PSMD6: variants seen among roughly 807,000 people sequenced by gnomAD.
PSMD6 encodes 26S proteasome non-ATPase regulatory subunit 6.
PSMD6 carries 7 observed loss-of-function variants against 44.9 expected under a neutral mutation model. That is an observed-to-expected ratio of 0.16 (90% CI 0.09 to 0.29). The LOEUF (loss-of-function observed/expected upper bound fraction) is 0.29, where lower values mean the gene tolerates loss of function less well. Ranked by LOEUF, PSMD6 falls within the 10% of genes least tolerant of loss-of-function variation. The pLI, the probability that PSMD6 is intolerant of heterozygous loss-of-function variation, is 1.00. For synonymous variants in PSMD6, 184 were observed against 172.7 expected, an observed-to-expected ratio of 1.07 and a Z score of -0.51; for missense variants, 420 against 482.6, an observed-to-expected ratio of 0.87 and a Z score of 1.21.
In PSMD6 at chr3:64,018,561, T is replaced by C. The variant is rs530083529; in HGVS notation, c.826+38A>G. ...TTTGCACATAGGATCAGGAGTAAGA[T>C]GAAGACAGATAATCAAAAATATCAA... On this transcript the variant is annotated intron_variant, in intron 5 of 7. Coordinates refer to ENST00000295901, the MANE Select transcript of PSMD6 (RefSeq NM_014814.3). The C allele has an allele frequency of 7.8e-5, 112 of 1,435,172 alleles. 1 individual carries two copies. In the South Asian group the frequency reaches 1.2e-3, roughly 16 times the overall value. The allele number at this position is 1,435,172 out of a possible 1,614,324, so 88.9% of individuals were successfully genotyped here.
At chr3:64,022,720 C>A in intron 1 of PSMD6, 197 bp from the exon 2 acceptor site, 1 of 1,536,624 alleles carries the variant, frequency 6.5e-7, no homozygotes, top group Non-Finnish European at 8.7e-7. Context: ...GCGTGACGGC[C>A]AATCCTGGCA....
intron 2 of PSMD6, 158 bp from the exon 3 acceptor site, chr3:64,019,599 G>C (rs959616169): frequency 1.5e-6 from 1 of 645,764 alleles, no homozygotes; most frequent in Non-Finnish European, 2.5e-6. Context: ...TGGGTGATAA[G>C]TACACAAGGG....
chr3:64,020,038 G>A (rs1486907398), intron 2 of PSMD6: 1 of 152,174 alleles, frequency 6.6e-6, no homozygotes, highest in Non-Finnish European at 1.5e-5. Flanking sequence ...TAAGATCTTG[G>A]TTTTTAAATA....
At chr3:64,018,792 T>C in intron 4 of PSMD6, 26 bp downstream of exon 4, 1 of 1,540,202 alleles carries the variant, frequency 6.5e-7, no homozygotes, top group Non-Finnish European at 8.9e-7. Context: ...AGTCTTTAAA[T>C]TTGAGTATTA....
At chr3:64,015,670 C>G (rs1219537306) in intron 5 of PSMD6, 1 of 152,132 alleles carries the variant, frequency 6.6e-6, no homozygotes, top group African/African-American at 2.4e-5. Context: ...TAAAATACAT[C>G]CACAATACAC....
At chr3:64,016,386 T>A (rs1282485169) in intron 5 of PSMD6, 1 of 152,006 alleles carries the variant, frequency 6.6e-6, no homozygotes, top group African/African-American at 2.4e-5. Context: ...GGATACTACT[T>A]CCTTTTCCAA....
At chr3:64,020,101 G>A (rs749761132) in intron 2 of PSMD6, among the ~76,000 whole-genome samples, 7 of 152,144 alleles carry the variant, frequency 4.6e-5, no homozygotes, top group Non-Finnish European at 8.8e-5. Context: ...ATAATTCTAC[G>A]TTTATTAGAG....
intron 1 of PSMD6, 43 bp downstream of exon 1, chr3:64,023,232 G>A (rs1188667043): frequency 1.2e-5 from 18 of 1,526,584 alleles, no homozygotes; most frequent in Admixed American, 2.0e-5. Flanking sequence ...CGCGGGGACG[G>A]CCCAGGCCTA....
At chr3:64,023,969 A>G (rs1016875849), upstream of PSMD6, 5 of 613,684 alleles carry the variant, frequency 8.1e-6, no homozygotes, top group Admixed American at 9.8e-5. Flanking sequence ...GGCCTAAATG[A>G]AAACCCCTAT....
At chr3:64,012,843 T>G (rs1488021423) in intron 6 of PSMD6, 1 of 152,228 alleles carries the variant, frequency 6.6e-6, no homozygotes, top group Non-Finnish European at 1.5e-5. Flanking sequence ...CTCATCTCCA[T>G]AGGTTCATTT....
intron 1 of PSMD6, chr3:64,022,781 G>A: frequency 6.5e-7 from 1 of 1,536,262 alleles, no homozygotes; most frequent in Non-Finnish European, 8.7e-7. Context: ...GTTTGCTCTT[G>A]CCGGATTCTG....
At chr3:64,013,804 T>C (rs1271576175) in intron 5 of PSMD6, 197 bp from the exon 6 acceptor site, 1 of 421,166 alleles carries the variant, frequency 2.4e-6, no homozygotes, top group Non-Finnish European at 4.1e-6. Flanking sequence ...AAACATCGTC[T>C]TCAAGTAACA....
chr3:64,023,158 G>A (rs2076160290), intron 1 of PSMD6, 117 bp downstream of exon 1: 1 of 1,427,228 alleles, frequency 7.0e-7, no homozygotes, highest in Admixed American at 2.9e-5. Flanking sequence ...GCCAGGCCTG[G>A]TCTCTGAGAC....
chr3:64,019,076 G>C (rs1210586508), intron 3 of PSMD6, 39 bp from the exon 4 acceptor site: 1 of 1,532,036 alleles, frequency 6.5e-7, no homozygotes, highest in Non-Finnish European at 9.0e-7. Flanking sequence ...TCTGGAAACA[G>C]ACAAGGCCAC....
At chr3:64,012,290 CCAT>C (rs944713950) in intron 6 of PSMD6, 10 of 152,036 alleles carry the variant, frequency 6.6e-5, no homozygotes, top group Admixed American at 5.2e-4. Context: ...ATTGAAAACA[CCAT>C]CATCAACATT....
chr3:64,011,180 A>AGGCC, intron 6 of PSMD6: 1 of 395,730 alleles, frequency 2.5e-6, no homozygotes, highest in East Asian at 4.0e-5. Flanking sequence ...GATAGATAGA[A>AGGCC]AGTAGATCAA....
intron 6 of PSMD6, chr3:64,013,204 A>C (rs1442232034): frequency 5.0e-6 from 2 of 402,996 alleles, no homozygotes; most frequent in African/African-American, 4.1e-5. Flanking sequence ...CCTTTAACAA[A>C]TCACTTAGCC....
chr3:64,011,540 T>G (rs2075951229), intron 6 of PSMD6: 1 of 152,158 alleles, frequency 6.6e-6, no homozygotes, highest in African/African-American at 2.4e-5. Context: ...AACCCAGATT[T>G]GAAATTCTTA....
At chr3:64,018,548 A>T in intron 5 of PSMD6, 51 bp downstream of exon 5, 2 of 1,353,112 alleles carry the variant, frequency 1.5e-6, no homozygotes, top group South Asian at 2.5e-5. Context: ...TGCACATAGG[A>T]TCAGGAGTAA....
Sources: gnomAD v4.1 joint callset for allele counts (sites outside exome capture counted in the v4.1 genomes callset) on GRCh38, gnomAD v4.1.1 for gene constraint, MANE v1.5 for transcripts, NCBI Gene and HGNC (gene_info 2026-07-23, HGNC 2026-07-21) for gene names.